Variants in MYH9 observed in about 807,000 individuals in gnomAD.
MYH9 encodes myosin heavy chain 9.
Under a neutral mutation model 241.9 loss-of-function variants are expected in MYH9, and 29 were observed. The observed-to-expected ratio is 0.12, with a 90% confidence interval of 0.09 to 0.16. The LOEUF is 0.16. Among genes scored for constraint, MYH9 ranks in the 10% least tolerant of loss-of-function variants. The pLI is 1.00. For synonymous variants in MYH9, 1,047 were observed against 1,062.6 expected (o/e 0.99, Z 0.29); for missense variants, 1,803 against 2,595.5 (o/e 0.69, Z 6.63).
intron 4 of MYH9, among the ~76,000 whole-genome samples, 170 bp downstream of exon 4, chr22:36,327,291 T>C (rs2017350955): frequency 6.6e-6 from 1 of 152,098 alleles, no homozygotes; most frequent in Non-Finnish European, 1.5e-5. Flanking sequence ...GTGGGACCAC[T>C]GAGTAGCAAA....
intron 11 of MYH9, among the ~76,000 whole-genome samples, chr22:36,317,903 G>C (rs1196803931): frequency 6.6e-6 from 1 of 152,244 alleles, no homozygotes; most frequent in Admixed American, 6.5e-5. Flanking sequence ...TTTTATACCA[G>C]ACAGGACATG....
At chr22:36,301,795 C>T (rs1340470216) in intron 20 of MYH9, 130 bp from the exon 21 acceptor site, 3 of 1,288,844 alleles carry the variant, frequency 2.3e-6, no homozygotes, top group Non-Finnish European at 3.3e-6. Context: ...GTGGTGGGGG[C>T]TGCAAGCAGG....
intron 40 of MYH9, 138 bp from the exon 41 acceptor site, chr22:36,282,923 G>A (rs2016516735): frequency 2.7e-6 from 2 of 745,076 alleles, no homozygotes; most frequent in Middle Eastern, 3.8e-4. Context: ...AAGCAAAGTG[G>A]AGTCTTGGGA....
rs191166261 is a variant in MYH9 at position 36,305,439 on chromosome 22, G to A, written c.2160-337C>T. Among the ~76,000 whole-genome samples the A allele has an allele frequency of 6.6e-6, 1 of 152,314 alleles. No homozygotes were observed. Among genetic ancestry groups the A allele is most frequent in the East Asian group, 1.9e-4 (1 of 5,182 alleles). On this transcript the variant is annotated intron_variant, in intron 17 of 40. Transcript: ENST00000216181. This position sits in a 1 kb window ranked among gnomAD's most constrained non-coding sequence, Gnocchi z 4.7. ...AGCCATGTTCACACAGCTTCCCTGG[G>A]ACGCTGCAGGGAGCTGCTAATAAAC...
intron 34 of MYH9, 74 bp from the exon 35 acceptor site, chr22:36,286,920 G>A (rs570352050): frequency 7.5e-6 from 12 of 1,591,932 alleles, no homozygotes; most frequent in South Asian, 6.6e-5. Context: ...GGGTCACCTC[G>A]CCAACAGGGC....
intron 31 of MYH9, among the ~76,000 whole-genome samples, chr22:36,291,056 G>C (rs940919382): frequency 2.4e-4 from 36 of 149,758 alleles, no homozygotes; most frequent in African/African-American, 8.4e-4. Flanking sequence ...GGAGGGAGGT[G>C]GGGGGGTCAG....
rs1184847085 is a variant in MYH9, at chr22:36,329,301, C to G, written c.491-1813G>C. 1.3e-5 allele frequency among the ~76,000 whole-genome samples: 2 copies of G among 152,168 alleles called. No homozygotes were observed. Among genetic ancestry groups the G allele is most frequent in the East Asian group, 3.8e-4 (2 of 5,202 alleles). On this transcript the variant is annotated intron_variant, in intron 3 of 40. Transcript: ENST00000216181. The surrounding 1 kb of genome is among the most constrained non-coding windows in gnomAD (Gnocchi z 4.1). ...AAAACACGAGTCCTTCAAGCCTGCA[C>G]AGCGAGGACAGAGATTAGAGACCTG...
rs376300911 is a variant in MYH9, at chr22:36,308,948, A to G, written c.1843+334T>C. The G allele has an allele frequency of 6.3e-5, 51 of 815,696 alleles. 1 individual carries two copies. The East Asian group carries it at 1.1e-3, about 18-fold the overall frequency. 50.5% of individuals were successfully genotyped at this position (815,696 alleles called of 1,614,324 possible). A position where few individuals can be genotyped will look rare whatever the true frequency, so the allele number is the denominator to read the frequency against. On this transcript the variant is annotated intron_variant, in intron 15 of 40. Coordinates refer to ENST00000216181, the MANE Select transcript of MYH9 (RefSeq NM_002473.6). ...CAGAAAGAATTAAAAAGAACCACTC[A>G]AAGCAACCAGCCTACCAAGGAGTAG...
At chr22:36,368,861 G>A (rs993573656) in intron 1 of MYH9, among the ~76,000 whole-genome samples, 6 of 136,386 alleles carry the variant, frequency 4.4e-5, no homozygotes, top group African/African-American at 8.0e-5. Context: ...CCCCGTCCGC[G>A]ATAGAGCATC....
At chr22:36,380,031 G>C (rs979434715) in intron 1 of MYH9, among the ~76,000 whole-genome samples, 2 of 152,328 alleles carry the variant, frequency 1.3e-5, no homozygotes, top group Admixed American at 1.3e-4. Flanking sequence ...CAGGGAGCTG[G>C]GTACAGATAC....
intron 1 of MYH9, among the ~76,000 whole-genome samples, chr22:36,354,091 G>A (rs1009852089): frequency 2.0e-5 from 3 of 151,966 alleles, no homozygotes; most frequent in African/African-American, 7.3e-5. Flanking sequence ...TAGTAGAGAC[G>A]GGGTTTCACC....
chr22:36,387,503 T>C (rs2018373114), intron 1 of MYH9, among the ~76,000 whole-genome samples: 1 of 151,704 alleles, frequency 6.6e-6, no homozygotes, highest in South Asian at 2.1e-4. Context: ...TCGGCTCCAG[T>C]GCCCAGTCCT....
At chr22:36,289,575 C>T (rs930573778) in intron 31 of MYH9, among the ~76,000 whole-genome samples, 5 of 152,234 alleles carry the variant, frequency 3.3e-5, no homozygotes, top group African/African-American at 4.8e-5. Context: ...CTTTATGGCA[C>T]GCTGCCCCTT....
chr22:36,293,020 G>A lies in MYH9; in HGVS notation c.4095+309C>T, dbSNP rs1046907887. ...ACTGGCCATTTCTACAGATGATGACGGCACAGGGACTGCCACCACCATGGC... is the reference window on the plus strand; with the variant it reads ...ACTGGCCATTTCTACAGATGATGACAGCACAGGGACTGCCACCACCATGGC... On this transcript the variant is annotated intron_variant, in intron 30 of 40. Transcript: ENST00000216181. This position sits in a 1 kb window ranked among gnomAD's most constrained non-coding sequence, Gnocchi z 5.1. 3.3e-4 allele frequency among the ~76,000 whole-genome samples: 50 copies of A among 152,322 alleles called. No homozygotes were observed. Among genetic ancestry groups the A allele is most frequent in the Middle Eastern group, 3.4e-3 (1 of 294 alleles).
rs200029600 is a variant in MYH9, at chr22:36,284,212, G to A, written c.5646C>T (p.Ala1882=). Residue 1882 remains alanine (A), a synonymous_variant, in exon 40 of 41, where the codon GCC becomes GCT. Transcript: ENST00000216181. The part of the protein sequence containing the change: ...LKQLKRQLEE[A]EEEAQRANAS... ...CGTTGGCCCGCTGGGCCTCCTCTTC[G>A]GCCTCCTCCAGCTGCCGCTTGAGCT... The A allele has an allele frequency of 3.0e-5, 48 of 1,613,176 alleles. No homozygotes were observed. The East Asian group carries it at 7.1e-4, about 24-fold the overall frequency.
chr22:36,381,007 G>A (rs1453535165), intron 1 of MYH9, among the ~76,000 whole-genome samples: 1 of 152,082 alleles, frequency 6.6e-6, no homozygotes, highest in Non-Finnish European at 1.5e-5. Context: ...TGTTTAAGGG[G>A]TTACTCTAGT....
intron 14 of MYH9, among the ~76,000 whole-genome samples, chr22:36,310,652 C>A (rs2017046332): frequency 6.6e-6 from 1 of 152,250 alleles, no homozygotes; most frequent in Non-Finnish European, 1.5e-5. Context: ...TTCCTTTCCC[C>A]AGGCTCAGAC....
At chr22:36,365,187 G>C (rs2017992718) in intron 1 of MYH9, 1 of 152,204 alleles carries the variant, frequency 6.6e-6, no homozygotes. Flanking sequence ...CACAGACGCT[G>C]CCCTCACACA....
At chr22:36,326,547 G>A in intron 5 of MYH9, 21 bp downstream of exon 5, 1 of 1,610,436 alleles carries the variant, frequency 6.2e-7, no homozygotes, top group Non-Finnish European at 8.5e-7. Flanking sequence ...CGGCCACAGG[G>A]ACAAGGGCTG....
Sources: allele counts gnomAD v4.1 joint callset (sites outside exome capture counted in the v4.1 genomes callset), GRCh38; gene constraint gnomAD v4.1.1; non-coding constraint Gnocchi (gnomAD v3.1); transcripts MANE v1.5; gene names NCBI Gene and HGNC (gene_info 2026-07-23, HGNC 2026-07-21).